MTTP: variants seen among roughly 807,000 people sequenced by gnomAD.
MTTP encodes microsomal triglyceride transfer protein.
MTTP carries 49 observed loss-of-function variants against 90.6 expected under a neutral mutation model. The observed-to-expected ratio is 0.54, with a 90% CI of 0.43 to 0.69. The LOEUF is 0.69. Ranked by LOEUF, MTTP falls within the 30% of genes least tolerant of loss-of-function variation. The pLI is 0.00. For synonymous variants in MTTP, 347 were observed against 384.2 expected, an observed-to-expected ratio of 0.90 and a Z score of 1.13; for missense variants, 945 against 1,067.5, an observed-to-expected ratio of 0.89 and a Z score of 1.60.
At chr4:99,591,175 A>G in intron 4 of MTTP, 60 bp from the exon 5 acceptor site, 1 of 1,248,252 alleles carries the variant, frequency 8.0e-7, no homozygotes, top group Non-Finnish European at 1.2e-6. Context: ...GCCACTTCTC[A>G]CTAGAATTCA....
Position 99,594,759 on chromosome 4 carries a change from A to G in MTTP, c.785A>G (p.Glu262Gly). The G allele has an allele frequency of 1.2e-6, 2 of 1,614,032 alleles. No individual in the cohort carries two copies. Among genetic ancestry groups the G allele is most frequent in the Non-Finnish European group, 1.7e-6 (2 of 1,179,906 alleles). Residue 262 changes from glutamate to glycine, a missense_variant, in exon 7 of 18, where the codon GAA becomes GGA. Transcript: ENST00000265517. ...SKQKLELKTT[E>G]AGPRLMSGKQ... Reference sequence around the variant, plus strand: ...CAGAAATTAGAGCTGAAGACAACCGAAGCAGGCCCAAGATTGATGTCTGGA... The same window carrying G: ...CAGAAATTAGAGCTGAAGACAACCGGAGCAGGCCCAAGATTGATGTCTGGA...
chr4:99,587,305 A>C (rs1725280824), intron 3 of MTTP, among the ~76,000 whole-genome samples: 1 of 152,166 alleles, frequency 6.6e-6, no homozygotes, highest in Non-Finnish European at 1.5e-5. Flanking sequence ...ATATAAAAGA[A>C]AAAGAGATGT....
chr4:99,580,922 AC>A (rs1245314910), intron 1 of MTTP, among the ~76,000 whole-genome samples: 4 of 151,964 alleles, frequency 2.6e-5, no homozygotes, highest in Non-Finnish European at 5.9e-5. Context: ...TTGTCTAGTC[AC>A]CCCAAACCCC....
At chr4:99,573,659 C>G (rs999367343), upstream of MTTP, among the ~76,000 whole-genome samples, 4 of 152,064 alleles carry the variant, frequency 2.6e-5, no homozygotes, top group Admixed American at 2.6e-4. Flanking sequence ...GTGTCTGTAT[C>G]AAGTCTACTA....
intron 15 of MTTP, 54 bp downstream of exon 15, chr4:99,613,194 G>A (rs1028248539): frequency 5.6e-5 from 82 of 1,452,984 alleles, no homozygotes; most frequent in Non-Finnish European, 6.9e-5. Flanking sequence ...CGCCAGGCAC[G>A]TTTTAAATAT....
chr4:99,611,794 T>C (rs1189270955), intron 14 of MTTP, among the ~76,000 whole-genome samples: 1 of 152,216 alleles, frequency 6.6e-6, no homozygotes, highest in Non-Finnish European at 1.5e-5. Context: ...TTCACAGATA[T>C]ATTTCTTAGC....
At chr4:99,600,462 T>C (rs964221251) in intron 8 of MTTP, 103 bp from the exon 9 acceptor site, 6 of 1,203,862 alleles carry the variant, frequency 5.0e-6, no homozygotes, top group Non-Finnish European at 7.2e-6. Context: ...AAAAAATCAC[T>C]TCTTGAGAAA....
intron 6 of MTTP, among the ~76,000 whole-genome samples, chr4:99,594,341 C>A (rs1021109294): frequency 1.3e-5 from 2 of 152,060 alleles, no homozygotes; most frequent in Admixed American, 6.6e-5. Flanking sequence ...AGAGTTGAGA[C>A]TATTTTTGGA....
intron 14 of MTTP, among the ~76,000 whole-genome samples, chr4:99,612,366 CTTT>C (rs111611870): frequency 8.2e-5 from 11 of 134,838 alleles, no homozygotes; most frequent in South Asian, 7.1e-4. Context: ...TGTTTATCGA[CTTT>C]TTTTTTTTTT....
chr4:99,590,548 A>G (rs1442209270), intron 4 of MTTP, among the ~76,000 whole-genome samples: 1 of 152,154 alleles, frequency 6.6e-6, no homozygotes, highest in East Asian at 1.9e-4. Flanking sequence ...CTGGAGTCCA[A>G]GTTTCTTAGA....
Position 99,591,728 on chromosome 4 carries a change from T to C in MTTP, c.696T>C (p.Ala232=), listed in dbSNP as rs1433313362. The change falls in exon 6 of 18, where the codon GCT becomes GCC. Residue 232 remains alanine, a synonymous_variant. Coordinates refer to ENST00000265517, the MANE Select transcript of MTTP (RefSeq NM_001386140.1). ...IEDSFVIAVL[A]EETHNFGLNF... ...ACAGCTTTGTTATAGCTGTGCTTGC[T>C]GAAGAAACACACAATTTTGGACTGA... The C allele has an allele frequency of 6.2e-7, 1 of 1,613,416 alleles. No homozygotes were observed. The highest frequency in any genetic ancestry group is 1.7e-5 in the Admixed American group (1 of 59,984).
chr4:99,576,684 G>C (rs1389988731), intron 1 of MTTP, among the ~76,000 whole-genome samples: 1 of 97,626 alleles, frequency 1.0e-5, no homozygotes, highest in Non-Finnish European at 1.8e-5. Flanking sequence ...GACAGAGCGA[G>C]ACTCCGTCTC....
intron 1 of MTTP, among the ~76,000 whole-genome samples, chr4:99,565,370 G>GTA (rs1724653620): frequency 6.6e-6 from 1 of 151,570 alleles, no homozygotes; most frequent in Non-Finnish European, 1.5e-5. Flanking sequence ...ATTTAACTTT[G>GTA]TAGTCATTTG....
At chr4:99,621,832 A>T (rs1726240387) in intron 17 of MTTP, among the ~76,000 whole-genome samples, 1 of 152,208 alleles carries the variant, frequency 6.6e-6, no homozygotes, top group Non-Finnish European at 1.5e-5. Context: ...TGAATTTTGT[A>T]ACCATTATTT....
intron 1 of MTTP, among the ~76,000 whole-genome samples, chr4:99,566,379 C>T (rs887410987): frequency 6.7e-6 from 1 of 150,186 alleles, no homozygotes; most frequent in Non-Finnish European, 1.5e-5. Flanking sequence ...GTCTGCAGGA[C>T]ATCTGAGTAG....
chr4:99,600,285 C>T (rs776648651), intron 8 of MTTP, among the ~76,000 whole-genome samples: 50 of 151,942 alleles, frequency 3.3e-4, no homozygotes, highest in Non-Finnish European at 4.6e-4. Context: ...ACTTACAAAT[C>T]GCCAAATTAT....
intron 15 of MTTP, among the ~76,000 whole-genome samples, chr4:99,617,809 T>C (rs1225583798): frequency 6.6e-6 from 1 of 152,212 alleles, no homozygotes; most frequent in Admixed American, 6.5e-5. Flanking sequence ...GGATGGGCCA[T>C]GTTTGTAAAT....
rs145887374 is a variant in MTTP at position 99,608,619 on chromosome 4, A to C, written c.1558-147A>C. 1.5e-4 allele frequency: 110 copies of C among 711,034 alleles called. No individual in the cohort carries two copies. In the African/African-American group the frequency reaches 1.7e-3, roughly 11 times the overall value. The allele number at this position is 711,034 out of a possible 1,614,324, so 44.0% of individuals were successfully genotyped here. On this transcript the variant is annotated intron_variant, in intron 11 of 17. Coordinates refer to ENST00000265517, the MANE Select transcript of MTTP (RefSeq NM_001386140.1). ...CATGGCGTATTAGCCAGAACTAGTCACGTGGCCCCCACCAAATCACAAAGG... is the reference window on the plus strand; with the variant it reads ...CATGGCGTATTAGCCAGAACTAGTCCCGTGGCCCCCACCAAATCACAAAGG...
chr4:99,609,608 A>C (rs1476325176), intron 12 of MTTP, among the ~76,000 whole-genome samples: 1 of 152,228 alleles, frequency 6.6e-6, no homozygotes, highest in Non-Finnish European at 1.5e-5. Context: ...AGTTACATGC[A>C]GAACACTACC....
Sources: allele counts gnomAD v4.1 joint callset (sites outside exome capture counted in the v4.1 genomes callset), GRCh38; gene constraint gnomAD v4.1.1; transcripts MANE v1.5; gene names NCBI Gene and HGNC (gene_info 2026-07-23, HGNC 2026-07-21).